BAD: variants seen among roughly 807,000 people sequenced by gnomAD.
BAD encodes BCL2 associated agonist of cell death, also known as bcl2-associated agonist of cell death.
A neutral mutation model predicts 17.8 loss-of-function variants in BAD; 18 were observed. The observed-to-expected ratio is 1.01, with a 90% CI of 0.70 to 1.50. The LOEUF (loss-of-function observed/expected upper bound fraction) is 1.50, where lower values mean the gene tolerates loss of function less well. BAD is among the 40% of genes most tolerant of loss of function. The pLI is 0.00. For synonymous variants in BAD, 112 were observed against 91.5 expected (o/e 1.22, Z -1.28); for missense variants, 294 against 239.3 (o/e 1.23, Z -1.51).
At chr11:64,274,467 A>G (rs1228844463) in intron 2 of BAD, among the ~76,000 whole-genome samples, 2 of 152,134 alleles carry the variant, frequency 1.3e-5, no homozygotes, top group African/African-American at 4.8e-5. Flanking sequence ...CAGGTGGATC[A>G]CTTGAGGCCA....
intron 1 of BAD, 127 bp from the exon 2 acceptor site, chr11:64,284,503 C>T: frequency 1.3e-6 from 2 of 1,567,830 alleles, no homozygotes; most frequent in Admixed American, 3.6e-5. Flanking sequence ...GCCTCCTGGG[C>T]CCTCATCTGT....
At position 64,284,381 on chromosome 11, in the gene BAD, G is replaced by T. The variant is rs75052600; in HGVS notation, c.-8-5C>A. 1 of 1,612,466 alleles carries T rather than the reference G, an allele frequency of 6.2e-7. No individual in the cohort carries two copies. On this transcript the variant is annotated splice_polypyrimidine_tract_variant and splice_region_variant and intron_variant, in intron 1 of 3. Coordinates refer to ENST00000309032, the MANE Select transcript of BAD (RefSeq NM_032989.3). ...GGATCTGGAACATGCTCTGGGCTGT[G>T]AGGACAAGATGTTACGTAGTCAAGG...
At chr11:64,276,827 G>A (rs1414076972) in intron 2 of BAD, 1 of 700,234 alleles carries the variant, frequency 1.4e-6, no homozygotes, top group Non-Finnish European at 2.6e-6. Context: ...CATCCGCCTA[G>A]AGCCTGGCCC....
At chr11:64,275,126 T>C (rs933898657) in intron 2 of BAD, among the ~76,000 whole-genome samples, 1 of 148,046 alleles carries the variant, frequency 6.8e-6, no homozygotes, top group Non-Finnish European at 1.5e-5. Context: ...TGCCCCCAGG[T>C]CAGGTGGGGA....
chr11:64,270,474 C>G (rs1026119121), intron 3 of BAD, 137 bp from the exon 4 acceptor site: 12 of 1,284,472 alleles, frequency 9.3e-6, no homozygotes, highest in Non-Finnish European at 5.3e-6. Flanking sequence ...AGGCTCCACG[C>G]CGGGCGGTCA....
chr11:64,279,554 C>A (rs548545284), intron 2 of BAD, among the ~76,000 whole-genome samples: 140 of 151,836 alleles, frequency 9.2e-4, no homozygotes, highest in African/African-American at 3.2e-3. Context: ...ATCACGAGGT[C>A]AGGAATTCGA....
At position 64,271,605 on chromosome 11, in the gene BAD, G is replaced by A; in HGVS notation, c.378+8C>T. The A allele has an allele frequency of 7.0e-7, 1 of 1,436,032 alleles. No homozygotes were observed. The highest frequency in any genetic ancestry group is 9.2e-7 in the Non-Finnish European group (1 of 1,091,810). 89.0% of individuals were successfully genotyped at this position (1,436,032 alleles called of 1,614,324 possible). ...TCAGGTCCTGGCACGCTGGGGACTG[G>A]CGCTCACCTTAAAGGAGTCCACAAA... On this transcript the variant is annotated splice_region_variant and intron_variant, in intron 3 of 3. Transcript: ENST00000309032.
chr11:64,280,959 C>T (rs1302185346), intron 2 of BAD, among the ~76,000 whole-genome samples: 4 of 149,062 alleles, frequency 2.7e-5, no homozygotes, highest in South Asian at 2.1e-4. Context: ...TGAGCCACCA[C>T]GCCCGGCCAA....
Position 64,270,093 on chromosome 11 carries a change from A to T in BAD, c.*116T>A, listed in dbSNP as rs752110012. On this transcript the variant is annotated 3_prime_UTR_variant, in exon 4 of 4. Transcript: ENST00000309032. ...GAATCTGGGTCAGCCCTCCCTCCAAAGGAGACAGCACGGATCCTCTTTTTG... is the reference window on the plus strand; with the variant it reads ...GAATCTGGGTCAGCCCTCCCTCCAATGGAGACAGCACGGATCCTCTTTTTG... The T allele has an allele frequency of 3.4e-5, 52 of 1,523,478 alleles. No individual in the cohort carries two copies. In the Middle Eastern group the frequency reaches 6.8e-4, roughly 20 times the overall value. The allele number at this position is 1,523,478 out of a possible 1,614,324, so 94.4% of individuals were successfully genotyped here.
At chr11:64,270,427 G>A (rs1292495059) in intron 3 of BAD, 90 bp from the exon 4 acceptor site, 56 of 1,447,084 alleles carry the variant, frequency 3.9e-5, no homozygotes, top group Non-Finnish European at 5.1e-5. Context: ...CTCTAAGTGA[G>A]ATCGGGGGGG....
intron 2 of BAD, among the ~76,000 whole-genome samples, chr11:64,283,578 T>C (rs2033627777): frequency 6.6e-6 from 1 of 152,064 alleles, no homozygotes; most frequent in Admixed American, 6.6e-5. Context: ...CTGCTGTGGG[T>C]ACGAGCCACA....
At chr11:64,280,593 C>T (rs1446417265) in intron 2 of BAD, among the ~76,000 whole-genome samples, 7 of 150,830 alleles carry the variant, frequency 4.6e-5, no homozygotes, top group African/African-American at 1.2e-4. Flanking sequence ...CCTCGTGATC[C>T]GCCCGCCTCG....
intron 2 of BAD, 122 bp from the exon 3 acceptor site, chr11:64,271,925 C>T (rs1399045580): frequency 4.2e-6 from 3 of 717,512 alleles, no homozygotes; most frequent in Non-Finnish European, 5.9e-6. Flanking sequence ...GGGCGCATCA[C>T]AGCCCACCTC....
At chr11:64,284,526 G>A in intron 1 of BAD, 105 bp downstream of exon 1, 1 of 1,530,860 alleles carries the variant, frequency 6.5e-7, no homozygotes, top group Non-Finnish European at 8.7e-7. Context: ...GCCGGGTCTG[G>A]CCTGGCAGGG....
Position 64,271,664 on chromosome 11 carries a change from G to C in BAD, c.327C>G (p.Arg109=). The C allele has an allele frequency of 6.6e-7, 1 of 1,508,566 alleles. No individual in the cohort carries two copies. The highest frequency in any genetic ancestry group is 1.2e-5 in the South Asian group (1 of 80,080). The allele number at this position is 1,508,566 out of a possible 1,614,324, so 93.4% of individuals were successfully genotyped here. ...TCATCCTCCGGAGCTCGCGGCCATA[G>C]CGCTGTGCTGCCCAGAGGTTGGGGG... ...SAPPNLWAAQ[R]YGRELRRMSD... is the part of the protein sequence containing the mutation. The change falls in exon 3 of 4, where the codon CGC becomes CGG. Residue 109 remains arginine (R), a synonymous_variant. Coordinates refer to ENST00000309032, the MANE Select transcript of BAD (RefSeq NM_032989.3).
At chr11:64,279,020 C>T (rs568518973) in intron 2 of BAD, among the ~76,000 whole-genome samples, 3 of 152,324 alleles carry the variant, frequency 2.0e-5, no homozygotes, top group South Asian at 4.1e-4. Context: ...TCCTACGGGT[C>T]TGCAGCTGGG....
rs1411168662 is a variant in BAD, at chr11:64,284,277, G to A, written c.92C>T (p.Pro31Leu). The A allele has an allele frequency of 6.2e-7, 1 of 1,611,736 alleles. No homozygotes were observed. The highest frequency in any genetic ancestry group is 8.5e-7 in the Non-Finnish European group (1 of 1,179,936). Residue 31 changes from proline (P) to leucine (L), a missense_variant, in exon 2 of 4, where the codon CCC becomes CTC. Pro to Leu is a moderately conservative substitution (Grantham distance 98). Coordinates refer to ENST00000309032, the MANE Select transcript of BAD (RefSeq NM_032989.3). ...GLGPSPAGDG[P>L]SGSGKHHRQA... is the part of the protein sequence containing the mutation. The stretch of plus-strand genomic sequence containing the variant: ...GCGATGATGCTTGCCGGAGCCTGAG[G>A]GCCCGTCCCCTGCGGGGCTGGGGCC...
intron 2 of BAD, among the ~76,000 whole-genome samples, chr11:64,283,126 G>A (rs926841428): frequency 6.6e-6 from 1 of 152,184 alleles, no homozygotes; most frequent in African/African-American, 2.4e-5. Flanking sequence ...GAGTGTGGGT[G>A]TTTATCCGTA....
In BAD at chr11:64,280,812, C is replaced by T. The variant is rs560314691; in HGVS notation, c.187+3370G>A. ...CCTCTCAGGTAGCTGGGATTACAGGCGCCCACCACCACATCCAGCTAATTT... is the reference window on the plus strand; with the variant it reads ...CCTCTCAGGTAGCTGGGATTACAGGTGCCCACCACCACATCCAGCTAATTT... On this transcript the variant is annotated intron_variant, in intron 2 of 3. Coordinates refer to ENST00000309032, the MANE Select transcript of BAD (RefSeq NM_032989.3). Among the ~76,000 whole-genome samples, 215 of 151,784 alleles carry T rather than the reference C, an allele frequency of 1.4e-3. 3 individuals are homozygous for T. Among genetic ancestry groups the T allele is most frequent in the African/African-American group, 4.8e-3 (199 of 41,356 alleles).
Sources: gnomAD v4.1 joint callset for allele counts (sites outside exome capture counted in the v4.1 genomes callset) on GRCh38, gnomAD v4.1.1 for gene constraint, MANE v1.5 for transcripts, NCBI Gene and HGNC (gene_info 2026-07-23, HGNC 2026-07-21) for gene names.